The following IL1RAPL1 variants were observed in gnomAD, a reference collection of about 807,000 sequenced individuals.
The protein encoded by IL1RAPL1 is interleukin-1 receptor accessory protein-like 1.
In IL1RAPL1, 3 loss-of-function variants were observed where a neutral mutation model predicts 48.4. The ratio of observed to expected loss-of-function variants is 0.06; its 90% CI spans 0.03 to 0.16. The LOEUF (loss-of-function observed/expected upper bound fraction) is 0.16. Ranked by LOEUF, IL1RAPL1 falls within the 10% of genes least tolerant of loss-of-function variation. The pLI, the probability that IL1RAPL1 is intolerant of heterozygous loss-of-function variation, is 1.00. For synonymous variants in IL1RAPL1, 185 were observed against 187.7 expected, an observed-to-expected ratio of 0.99 and a Z score of 0.12; for missense variants, 349 against 530.6, an observed-to-expected ratio of 0.66 and a Z score of 3.36.
At chrX:28,618,907 C>T (rs190462905) in intron 1 of IL1RAPL1, among the ~76,000 whole-genome samples, 3 of 111,041 alleles carry the variant, frequency 2.7e-5, no homozygotes, top group Non-Finnish European at 5.7e-5. Context: ...TGTGGAGTCA[C>T]GGACTCAGCA....
At chrX:29,907,593 A>AGAGTT (rs1241090613) in intron 6 of IL1RAPL1, among the ~76,000 whole-genome samples, 2 of 111,875 alleles carry the variant, frequency 1.8e-5, no homozygotes, top group African/African-American at 6.5e-5. Flanking sequence ...TTGATTTCAA[A>AGAGTT]GAGTTGTACC....
At chrX:29,337,645 C>T (rs1408875309) in intron 3 of IL1RAPL1, among the ~76,000 whole-genome samples, 1 of 111,265 alleles carries the variant, frequency 9.0e-6, no homozygotes, top group Non-Finnish European at 1.9e-5. Context: ...ATACTATACA[C>T]AAAGGGCTTA....
At chrX:29,466,233 C>T (rs1163190391) in intron 5 of IL1RAPL1, among the ~76,000 whole-genome samples, 2 of 111,950 alleles carry the variant, frequency 1.8e-5, no homozygotes, top group African/African-American at 3.2e-5. Flanking sequence ...AGTGTGACCA[C>T]AATGGTGTTC....
intron 1 of IL1RAPL1, among the ~76,000 whole-genome samples, chrX:28,661,701 A>G (rs1934824412): frequency 8.9e-6 from 1 of 111,973 alleles, no homozygotes; most frequent in African/African-American, 3.2e-5. Flanking sequence ...GCAAAATACA[A>G]TATAAGTTGA....
chrX:29,644,558 GT>G (rs201161736), intron 5 of IL1RAPL1, among the ~76,000 whole-genome samples: 2,725 of 90,460 alleles, frequency 0.03, 101 homozygotes, highest in African/African-American at 0.1. Context: ...TTTTTTTTTT[GT>G]TTTGTTTTCT....
chrX:29,367,546 A>T (rs764472955), intron 3 of IL1RAPL1, among the ~76,000 whole-genome samples: 1 of 94,036 alleles, frequency 1.1e-5, no homozygotes, highest in African/African-American at 3.9e-5. Context: ...AAGGGCTTCT[A>T]TTTATTTTTA....
chrX:29,527,240 A>T (rs1227566858), intron 5 of IL1RAPL1, among the ~76,000 whole-genome samples: 1 of 110,247 alleles, frequency 9.1e-6, no homozygotes, highest in African/African-American at 3.3e-5. Flanking sequence ...AATGAATCAG[A>T]AAACTAAATG....
intron 8 of IL1RAPL1, among the ~76,000 whole-genome samples, chrX:29,926,844 C>T (rs1932895828): frequency 9.0e-6 from 1 of 111,618 alleles, no homozygotes; most frequent in South Asian, 3.8e-4. Context: ...ACAAGCACTG[C>T]TCTACAGTAT....
intron 6 of IL1RAPL1, among the ~76,000 whole-genome samples, chrX:29,732,594 T>A (rs1399724185): frequency 8.9e-6 from 1 of 112,330 alleles, no homozygotes; most frequent in Non-Finnish European, 1.9e-5. Context: ...ATAATGAACA[T>A]CCTTGCTCTT....
intron 3 of IL1RAPL1, among the ~76,000 whole-genome samples, chrX:29,359,804 T>C (rs1027570904): frequency 9.0e-6 from 1 of 111,282 alleles, no homozygotes; most frequent in East Asian, 2.8e-4. Flanking sequence ...CTCCAGCTTT[T>C]CCCCCCACAC....
chrX:28,939,018 T>TAA (rs201504894), intron 2 of IL1RAPL1, among the ~76,000 whole-genome samples: 8 of 94,635 alleles, frequency 8.5e-5, no homozygotes, highest in South Asian at 4.6e-4. Flanking sequence ...TAATAAACAG[T>TAA]AAAAAAAAAA....
At chrX:29,799,246 G>T (rs756725918) in intron 6 of IL1RAPL1, among the ~76,000 whole-genome samples, 1 of 112,206 alleles carries the variant, frequency 8.9e-6, no homozygotes, top group Non-Finnish European at 1.9e-5. Flanking sequence ...AAAAGCAGCT[G>T]TTTCGTTATA....
intron 2 of IL1RAPL1, among the ~76,000 whole-genome samples, chrX:28,810,790 A>G (rs760231746): frequency 1.8e-5 from 2 of 110,036 alleles, no homozygotes; most frequent in South Asian, 7.7e-4. Flanking sequence ...TCACAACCCC[A>G]TATTTCTCAT....
At chrX:29,204,773 T>C (rs1165657510) in intron 2 of IL1RAPL1, among the ~76,000 whole-genome samples, 2 of 111,913 alleles carry the variant, frequency 1.8e-5, no homozygotes, top group South Asian at 3.7e-4. Flanking sequence ...TTTGCAAATA[T>C]TTACTCCCAT....
At chrX:28,942,611 G>A (rs1924190883) in intron 2 of IL1RAPL1, 1 of 100,497 alleles carries the variant, frequency 1.0e-5, no homozygotes, top group African/African-American at 3.6e-5. Flanking sequence ...AAGGATAATT[G>A]GAACTTGGCC....
intron 1 of IL1RAPL1, among the ~76,000 whole-genome samples, chrX:28,607,519 AACC>A (rs1934097785): frequency 9.0e-6 from 1 of 111,240 alleles, no homozygotes; most frequent in Non-Finnish European, 1.9e-5. Flanking sequence ...TTAATTTTTC[AACC>A]ACCAGAAAAA....
intron 6 of IL1RAPL1, among the ~76,000 whole-genome samples, chrX:29,821,757 T>TTTG (rs1221223273): frequency 8.9e-6 from 1 of 112,623 alleles, no homozygotes; most frequent in African/African-American, 3.2e-5. Flanking sequence ...GGGAAAGCTT[T>TTTG]AAGATCCAAA....
chrX:29,044,274 T>C (rs976089556), intron 2 of IL1RAPL1, among the ~76,000 whole-genome samples: 2 of 109,541 alleles, frequency 1.8e-5, no homozygotes, highest in South Asian at 4.0e-4. Flanking sequence ...CTACTAAAAA[T>C]ACAAAATTAG....
At chrX:29,366,128 A>C (rs1489645820) in intron 3 of IL1RAPL1, among the ~76,000 whole-genome samples, 2 of 111,217 alleles carry the variant, frequency 1.8e-5, no homozygotes, top group Non-Finnish European at 3.8e-5. Context: ...GACACAGATA[A>C]AAATATTTTA....
Sources: allele counts gnomAD v4.1 joint callset (sites outside exome capture counted in the v4.1 genomes callset), GRCh38; gene constraint gnomAD v4.1.1; transcripts MANE v1.5; gene names NCBI Gene and HGNC (gene_info 2026-07-23, HGNC 2026-07-21).